AREL1: variants seen among roughly 807,000 people sequenced by gnomAD.
The protein encoded by AREL1 is apoptosis-resistant E3 ubiquitin protein ligase 1.
A neutral mutation model predicts 99.0 loss-of-function variants in AREL1; 62 were observed. The observed-to-expected ratio is 0.63, with a 90% confidence interval of 0.51 to 0.77. The LOEUF (loss-of-function observed/expected upper bound fraction) is 0.77, where lower values mean the gene tolerates loss of function less well. Ranked by LOEUF, AREL1 falls within the 30% of genes least tolerant of loss-of-function variation. The pLI is 0.00. For missense variants in AREL1, 879 were observed against 1,027.6 expected, an observed-to-expected ratio of 0.86 and a Z score of 1.98; for synonymous variants, 380 against 376.5, an observed-to-expected ratio of 1.01 and a Z score of -0.11.
Position 74,676,203 on chromosome 14 carries a change from G to C in AREL1, c.770C>G (p.Ala257Gly), listed in dbSNP as rs1277691041. The change falls in exon 7 of 20, where the codon GCT (alanine) becomes GGT (glycine). Residue 257 changes from alanine to glycine, a missense_variant. Ala to Gly is a moderately conservative substitution (Grantham distance 60). Transcript: ENST00000356357. Reference sequence around the variant, plus strand: ...TGGCTGATTTTGGTATGAAATGCAAGCATGGAAGCAGCCTCGAGAATGCAG... The same window carrying C: ...TGGCTGATTTTGGTATGAAATGCAACCATGGAAGCAGCCTCGAGAATGCAG... ...LTLHSRGCFH[A>G]CISYQNQPIN... 5 of 1,614,110 alleles carry C rather than the reference G, an allele frequency of 3.1e-6. No homozygotes were observed. The highest frequency in any genetic ancestry group is 3.4e-6 in the Non-Finnish European group (4 of 1,180,032).
intron 15 of AREL1, among the ~76,000 whole-genome samples, chr14:74,667,795 T>C (rs1264611934): frequency 6.6e-6 from 1 of 152,258 alleles, no homozygotes; most frequent in African/African-American, 2.4e-5. Context: ...TATTGCTGTA[T>C]ACTAGCTATT....
At chr14:74,681,812 G>A (rs2089635967) in intron 5 of AREL1, among the ~76,000 whole-genome samples, 1 of 151,486 alleles carries the variant, frequency 6.6e-6, no homozygotes, top group Non-Finnish European at 1.5e-5. Flanking sequence ...GGTTGGGGGG[G>A]ATAGGTGTGG....
rs769666160 is a variant in AREL1, at chr14:74,685,653, A to C, written c.-38T>G. On this transcript the variant is annotated 5_prime_UTR_variant, in exon 3 of 20. Coordinates refer to ENST00000356357, the MANE Select transcript of AREL1 (RefSeq NM_001039479.2). ...ATGCCAACAGACAGCCGAGGATCAC[A>C]GCTGCAGCTGTTAAAAGAAAACTTG... 6.2e-7 allele frequency: 1 copy of C among 1,613,690 alleles called. No individual in the cohort carries two copies. Among genetic ancestry groups the C allele is most frequent in the African/African-American group, 1.3e-5 (1 of 75,024 alleles).
intron 1 of AREL1, among the ~76,000 whole-genome samples, chr14:74,692,846 G>T (rs1026249449): frequency 2.0e-5 from 3 of 152,110 alleles, no homozygotes; most frequent in South Asian, 4.1e-4. Flanking sequence ...TGGGACTACA[G>T]GCGTGCACTA....
At chr14:74,684,370 T>A in intron 4 of AREL1, 84 bp downstream of exon 4, 1 of 1,234,188 alleles carries the variant, frequency 8.1e-7, no homozygotes. Flanking sequence ...GAGAAAATGT[T>A]AACATTCCAG....
chr14:74,702,304 T>C (rs185144315), intron 1 of AREL1, among the ~76,000 whole-genome samples: 34 of 152,346 alleles, frequency 2.2e-4, no homozygotes, highest in African/African-American at 7.5e-4. Context: ...GGAGTTTCCA[T>C]ACATCCTCTG....
At chr14:74,704,826 G>A (rs980152788) in intron 1 of AREL1, among the ~76,000 whole-genome samples, 3 of 151,932 alleles carry the variant, frequency 2.0e-5, no homozygotes, top group African/African-American at 7.3e-5. Context: ...TTAAAACTCT[G>A]CCTAGCTCAA....
At chr14:74,708,461 G>A (rs2090224643) in intron 1 of AREL1, among the ~76,000 whole-genome samples, 1 of 152,144 alleles carries the variant, frequency 6.6e-6, no homozygotes, top group South Asian at 2.1e-4. Flanking sequence ...AGTTTTAACT[G>A]TTTTCTGTTC....
At position 74,661,345 on chromosome 14, in the gene AREL1, C is replaced by T. The variant is rs2089072435; in HGVS notation, c.*2375G>A. 3 of 456,370 alleles carry T rather than the reference C, an allele frequency of 6.6e-6. No individual in the cohort carries two copies. The highest frequency in any genetic ancestry group is 1.3e-5 in the Non-Finnish European group (3 of 226,736). The allele number at this position is 456,370 out of a possible 1,614,324, so 28.3% of individuals were successfully genotyped here. On this transcript the variant is annotated 3_prime_UTR_variant, in exon 20 of 20. Transcript: ENST00000356357. ...CCTTTCACCTGGCCTGACGAATCTG[C>T]AGCAGGGCTTGGTCTCTGCCAATTT...
At chr14:74,679,792 C>T (rs2089587066) in intron 5 of AREL1, among the ~76,000 whole-genome samples, 1 of 151,554 alleles carries the variant, frequency 6.6e-6, no homozygotes, top group African/African-American at 2.4e-5. Flanking sequence ...TGTGCCATTG[C>T]ACTCTAGCTT....
In AREL1 at chr14:74,664,917, C is replaced by T. The variant is rs368604464; in HGVS notation, c.2112G>A (p.Met704Ile). Residue 704 changes from methionine (M) to isoleucine (I), a missense_variant, in exon 18 of 20, where the codon ATG becomes ATA. Physicochemically the swap from Met to Ile is conservative, Grantham distance 10. Transcript: ENST00000356357. ...ACACACTGATGTCTCCAGTCCCACA[C>T]ATCAGCAGCTGGAAAAAGATGGTAA... is the stretch of plus-strand genomic sequence containing the variant. Reference protein sequence around the residue: ...IFDENELELLMCGTGDISVSD... With the variant: ...IFDENELELLICGTGDISVSD... 21 of 1,613,304 alleles carry T rather than the reference C, an allele frequency of 1.3e-5. No homozygotes were observed. In the African/African-American group the frequency reaches 1.5e-4, roughly 11 times the overall value.
At chr14:74,688,019 C>CTTTTTTTT (rs764034669) in intron 2 of AREL1, among the ~76,000 whole-genome samples, 5 of 108,704 alleles carry the variant, frequency 4.6e-5, no homozygotes, top group Non-Finnish European at 3.8e-5. Flanking sequence ...TGAGTACTTA[C>CTTTTTTTT]TTTTTTTTTT....
At chr14:74,675,062 A>G (rs1348598669) in intron 8 of AREL1, among the ~76,000 whole-genome samples, 4 of 152,254 alleles carry the variant, frequency 2.6e-5, no homozygotes, top group Non-Finnish European at 4.4e-5. Context: ...AATTTCAAAC[A>G]CATACTAAAG....
At position 74,662,772 on chromosome 14, in the gene AREL1, T is replaced by C. The variant is rs2089112940; in HGVS notation, c.*948A>G. The C allele has an allele frequency of 2.5e-6, 1 of 395,480 alleles. No homozygotes were observed. The highest frequency in any genetic ancestry group is 1.4e-4 in the South Asian group (1 of 7,126). The allele number at this position is 395,480 out of a possible 1,614,324, so 24.5% of individuals were successfully genotyped here. The stretch of plus-strand genomic sequence containing the variant: ...GAGAGAGAATCAGGGATTGCTGGCA[T>C]ACTATTCTTACTGTTCTAATCTTTT... On this transcript the variant is annotated 3_prime_UTR_variant, in exon 20 of 20. Coordinates refer to ENST00000356357, the MANE Select transcript of AREL1 (RefSeq NM_001039479.2).
chr14:74,673,375 A>G (rs567622638), intron 9 of AREL1, among the ~76,000 whole-genome samples, 157 bp from the exon 10 acceptor site: 39 of 152,336 alleles, frequency 2.6e-4, no homozygotes, highest in Admixed American at 5.2e-4. Flanking sequence ...TTTTCCCTTC[A>G]GTGATTTACA....
chr14:74,670,415 T>C (rs1319951296), intron 13 of AREL1, among the ~76,000 whole-genome samples: 1 of 152,174 alleles, frequency 6.6e-6, no homozygotes. Context: ...AAAGTGTACT[T>C]CTCTACTCCT....
chr14:74,709,308 T>G (rs932076542), intron 1 of AREL1, among the ~76,000 whole-genome samples: 1 of 152,166 alleles, frequency 6.6e-6, no homozygotes, highest in Non-Finnish European at 1.5e-5. Context: ...TAGAGTCCAT[T>G]AAGGTCATAA....
In AREL1 at chr14:74,664,817, A is replaced by T; in HGVS notation, c.2193+19T>A. 1 of 1,608,550 alleles carries T rather than the reference A, an allele frequency of 6.2e-7. No individual in the cohort carries two copies. The highest frequency in any genetic ancestry group is 2.2e-5 in the East Asian group (1 of 44,768). The stretch of plus-strand genomic sequence containing the variant: ...ATAACATGGCACAAATCCAACTGAA[A>T]GAAGTTTGGTCCATTTACCTTTTCT... On this transcript the variant is annotated intron_variant, in intron 18 of 19. Coordinates refer to ENST00000356357, the MANE Select transcript of AREL1 (RefSeq NM_001039479.2).
At chr14:74,678,598 T>C (rs2089549334) in intron 5 of AREL1, among the ~76,000 whole-genome samples, 1 of 150,324 alleles carries the variant, frequency 6.7e-6, no homozygotes, top group African/African-American at 2.5e-5. Context: ...CCCACAAATA[T>C]GTCCAACTGC....
Sources: allele counts gnomAD v4.1 joint callset (sites outside exome capture counted in the v4.1 genomes callset), GRCh38; gene constraint gnomAD v4.1.1; transcripts MANE v1.5; gene names NCBI Gene and HGNC (gene_info 2026-07-23, HGNC 2026-07-21).